The following PER2 variants were observed in gnomAD, a reference collection of about 807,000 sequenced individuals.
PER2 encodes the protein period circadian regulator 2, also known as period circadian protein homolog 2.
Under a neutral mutation model 121.0 loss-of-function variants are expected in PER2, and 66 were observed. The ratio of observed to expected loss-of-function variants is 0.55; its 90% CI spans 0.45 to 0.67. The LOEUF (loss-of-function observed/expected upper bound fraction) is 0.67. Among genes scored for constraint, PER2 ranks in the 30% least tolerant of loss-of-function variants. PER2 has a pLI of 0.00. For synonymous variants in PER2, 684 were observed against 659.9 expected, an observed-to-expected ratio of 1.04 and a Z score of -0.56; for missense variants, 1,521 against 1,635.0, an observed-to-expected ratio of 0.93 and a Z score of 1.20.
chr2:238,292,988 G>A (rs1256665402), upstream of PER2, among the ~76,000 whole-genome samples: 3 of 150,786 alleles, frequency 2.0e-5, no homozygotes, highest in Non-Finnish European at 4.4e-5. Context: ...CGCCCGCCTC[G>A]GCCTCCCAAA....
rs1324965382 is a variant in PER2, at chr2:238,265,693, C to A, written c.968-103G>T. On this transcript the variant is annotated intron_variant, in intron 8 of 22. Transcript: ENST00000254657. ...CACCCTGTAGATTCAGAGTAATGAG[C>A]AGCTAAAGAAAAAAATTAAAACATG... 1.2e-5 allele frequency: 9 copies of A among 762,692 alleles called. No individual in the cohort carries two copies. In the East Asian group the frequency reaches 1.5e-4, roughly 13 times the overall value. The allele number at this position is 762,692 out of a possible 1,614,324, so 47.2% of individuals were successfully genotyped here. A position where few individuals can be genotyped will look rare whatever the true frequency, so the allele number is the denominator to read the frequency against.
chr2:238,275,707 C>T, intron 4 of PER2, 36 bp downstream of exon 4: 1 of 1,598,462 alleles, frequency 6.3e-7, no homozygotes, highest in Non-Finnish European at 8.6e-7. Context: ...AAACATATTT[C>T]TATAGGTTTG....
chr2:238,256,989 G>A lies in PER2; in HGVS notation c.1998C>T (p.Leu666=), dbSNP rs376601685. Residue 666 remains leucine (L), a synonymous_variant, in exon 17 of 23, where the codon CTC becomes CTT. Coordinates refer to ENST00000254657, the MANE Select transcript of PER2 (RefSeq NM_022817.3). Reference sequence around the variant, plus strand: ...TGCTGCTGTAGCTGCACTGGCTGGTGAGCGACGCCACACTCTCTGCCTTGC... The same window carrying A: ...TGCTGCTGTAGCTGCACTGGCTGGTAAGCGACGCCACACTCTCTGCCTTGC... ...LPGKAESVAS[L]TSQCSYSSTI... 4 of 1,613,762 alleles carry A rather than the reference G, an allele frequency of 2.5e-6. No homozygotes were observed. The highest frequency in any genetic ancestry group is 1.3e-5 in the African/African-American group (1 of 74,936).
chr2:238,265,632 A>G, intron 8 of PER2, 42 bp from the exon 9 acceptor site: 1 of 1,185,728 alleles, frequency 8.4e-7, no homozygotes, highest in Non-Finnish European at 1.3e-6. Context: ...ATCCTAAGAA[A>G]TGCATATTTG....
chr2:238,271,533 C>T lies in PER2; in HGVS notation c.571-20G>A, dbSNP rs1696286964. 2 of 1,588,644 alleles carry T rather than the reference C, an allele frequency of 1.3e-6. No homozygotes were observed. Among genetic ancestry groups the T allele is most frequent in the Non-Finnish European group, 1.7e-6 (2 of 1,159,918 alleles). The stretch of plus-strand genomic sequence containing the variant: ...CATATCCTGAAAAGGAAGAGTAGGG[C>T]TCTGATGACAAGGTCAGATGGTGTC... On this transcript the variant is annotated intron_variant, in intron 5 of 22. Transcript: ENST00000254657.
Position 238,244,292 on chromosome 2 carries a change from GCA to G in PER2, c.*2081_*2082del, listed in dbSNP as rs1436587711. 2.0e-5 allele frequency: 3 copies of G among 152,582 alleles called. No individual in the cohort carries two copies. Among genetic ancestry groups the G allele is most frequent in the Admixed American group, 6.5e-5 (1 of 15,284 alleles). The allele number at this position is 152,582 out of a possible 1,614,324, so 9.5% of individuals were successfully genotyped here. ...GAAAAACTGTTTAACACCTGTGTAA[GCA>G]CACACACTAAAGAAAACATGACTTG... On this transcript the variant is annotated 3_prime_UTR_variant, in exon 23 of 23. Coordinates refer to ENST00000254657, the MANE Select transcript of PER2 (RefSeq NM_022817.3).
chr2:238,265,329 A>T (rs1696060531), intron 9 of PER2, among the ~76,000 whole-genome samples, 183 bp downstream of exon 9: 1 of 152,246 alleles, frequency 6.6e-6, no homozygotes, highest in Non-Finnish European at 1.5e-5. Context: ...GAAAGCCTCA[A>T]TTACACCATG....
chr2:238,271,029 C>T (rs1574854112), intron 6 of PER2, among the ~76,000 whole-genome samples: 1 of 152,274 alleles, frequency 6.6e-6, no homozygotes, highest in East Asian at 1.9e-4. Context: ...CCCACGACTG[C>T]AATCACAGCA....
Position 238,268,315 on chromosome 2 carries a change from G to C in PER2, c.825-117C>G. On this transcript the variant is annotated intron_variant, in intron 7 of 22. Transcript: ENST00000254657. This position sits in a 1 kb window ranked among gnomAD's most constrained non-coding sequence, Gnocchi z 4.0. ...TGCAGGTGATGTGTACCTCTGCTCT[G>C]CCTGAGGAGCTGGGCCTGCCCCCTG... 5 of 1,065,316 alleles carry C rather than the reference G, an allele frequency of 4.7e-6. No homozygotes were observed. Among genetic ancestry groups the C allele is most frequent in the Non-Finnish European group, 7.0e-6 (5 of 712,898 alleles). 66.0% of individuals were successfully genotyped at this position (1,065,316 alleles called of 1,614,324 possible). A position where few individuals can be genotyped will look rare whatever the true frequency, so the allele number is the denominator to read the frequency against.
At position 238,252,636 on chromosome 2, in the gene PER2, A is replaced by G. The variant is rs1376001817; in HGVS notation, c.3111+276T>C. 6.6e-6 allele frequency among the ~76,000 whole-genome samples: 1 copy of G among 152,194 alleles called. No individual in the cohort carries two copies. Among genetic ancestry groups the G allele is most frequent in the Non-Finnish European group, 1.5e-5 (1 of 68,038 alleles). On this transcript the variant is annotated intron_variant, in intron 19 of 22. Coordinates refer to ENST00000254657, the MANE Select transcript of PER2 (RefSeq NM_022817.3). The surrounding 1 kb of genome is among the most constrained non-coding windows in gnomAD (Gnocchi z 4.2). ...GTCATTTAAAAAGTCGAAGCCCACA[A>G]ATACTGTCAAGTCACATGCTGCTTT... is the stretch of plus-strand genomic sequence containing the variant.
At chr2:238,255,378 G>C in intron 18 of PER2, 1 of 531,540 alleles carries the variant, frequency 1.9e-6, no homozygotes, top group Non-Finnish European at 3.4e-6. Context: ...ACTCAGGCAA[G>C]AAATGTGGAC....
At chr2:238,272,598 C>CA (rs1474800781) in intron 5 of PER2, among the ~76,000 whole-genome samples, 4 of 152,346 alleles carry the variant, frequency 2.6e-5, no homozygotes, top group East Asian at 3.9e-4. Flanking sequence ...GCTGAGAACT[C>CA]AGAGTGGTAG....
Position 238,259,633 on chromosome 2 carries a change from C to T in PER2, c.1627+336G>A, listed in dbSNP as rs867804914. ...CTCTGTACAGCAAGAACAAGCGGCC[C>T]AGGCCGTGGCTCCCAGGCACACCCT... On this transcript the variant is annotated intron_variant, in intron 14 of 22. Coordinates refer to ENST00000254657, the MANE Select transcript of PER2 (RefSeq NM_022817.3). 2.0e-5 allele frequency among the ~76,000 whole-genome samples: 3 copies of T among 152,242 alleles called. No individual in the cohort carries two copies. In the South Asian group the frequency reaches 6.2e-4, roughly 32 times the overall value.
At chr2:238,263,122 A>T in intron 9 of PER2, 64 bp from the exon 10 acceptor site, 2 of 971,208 alleles carry the variant, frequency 2.1e-6, no homozygotes, top group Non-Finnish European at 3.3e-6. Context: ...TGTCACTAAG[A>T]ACCATCTTAT....
upstream of PER2, among the ~76,000 whole-genome samples, chr2:238,290,966 G>A (rs1696940793): frequency 6.6e-6 from 1 of 152,190 alleles, no homozygotes; most frequent in African/African-American, 2.4e-5. Flanking sequence ...GAACCAAGAT[G>A]GTGACAGAGA....
At chr2:238,274,698 C>T (rs1397853090) in intron 4 of PER2, among the ~76,000 whole-genome samples, 3 of 152,200 alleles carry the variant, frequency 2.0e-5, no homozygotes, top group South Asian at 2.1e-4. Flanking sequence ...AGGCCCAGAG[C>T]GGTGCCCTCC....
At chr2:238,259,483 T>C (rs1695860758) in intron 14 of PER2, among the ~76,000 whole-genome samples, 1 of 152,222 alleles carries the variant, frequency 6.6e-6, no homozygotes, top group Non-Finnish European at 1.5e-5. Context: ...CGGCAGCCCC[T>C]GGGTGGTACT....
In PER2 at chr2:238,275,842, C is replaced by A; in HGVS notation, c.349G>T (p.Glu117Ter). 1 of 1,614,188 alleles carries A rather than the reference C, an allele frequency of 6.2e-7. No homozygotes were observed. Among genetic ancestry groups the A allele is most frequent in the South Asian group, 1.1e-5 (1 of 91,086 alleles). The change falls in exon 4 of 23, where the codon GAG becomes TAG. Residue 117 changes from glutamate to a stop codon, truncating the protein, a stop_gained. Transcript: ENST00000254657. LOFTEE classifies it high-confidence loss of function. The stretch of plus-strand genomic sequence containing the variant: ...TCTGCAGGGAGGTGGACCTTCAGCT[C>A]CTTTAGTGTTTTTATCAGTTCTTTG... ...THKELIKTLK[E>*]LKVHLPADKK...
the PER2 span, chr2:238,295,406 A>C: frequency 6.7e-6 from 1 of 149,472 alleles, no homozygotes; most frequent in African/African-American, 2.5e-5. Context: ...TTTAGAGATG[A>C]GGTCTTGCTG....
Sources: allele counts gnomAD v4.1 joint callset (sites outside exome capture counted in the v4.1 genomes callset), GRCh38; gene constraint gnomAD v4.1.1; non-coding constraint Gnocchi (gnomAD v3.1); transcripts MANE v1.5; gene names NCBI Gene and HGNC (gene_info 2026-07-23, HGNC 2026-07-21).